The following DNAH8 variants were observed in gnomAD, a reference collection of about 807,000 sequenced individuals.
DNAH8 encodes axonemal beta dynein heavy chain 8.
DNAH8 carries 382 observed loss-of-function variants against 562.1 expected under a neutral mutation model. That is an observed-to-expected ratio of 0.68 (90% CI 0.63 to 0.74). DNAH8 has a LOEUF of 0.74. Ranked by LOEUF, DNAH8 falls within the 30% of genes least tolerant of loss-of-function variation. DNAH8 has a pLI of 0.00. For synonymous variants in DNAH8, 1,881 were observed against 1,919.4 expected (o/e 0.98, Z 0.52); for missense variants, 5,203 against 5,620.4 (o/e 0.93, Z 2.37).
At chr6:38,824,398 T>C (rs889244645) in intron 28 of DNAH8, among the ~76,000 whole-genome samples, 3 of 152,130 alleles carry the variant, frequency 2.0e-5, no homozygotes, top group African/African-American at 7.2e-5. Context: ...TCTTGACTAG[T>C]TGACATTCAG....
At chr6:38,996,097 A>T (rs1225489944) in intron 88 of DNAH8, among the ~76,000 whole-genome samples, 1 of 152,108 alleles carries the variant, frequency 6.6e-6, no homozygotes, top group Admixed American at 6.6e-5. Context: ...TGGCAAAATC[A>T]CACTGTGACA....
intron 76 of DNAH8, among the ~76,000 whole-genome samples, chr6:38,933,627 A>G (rs917299321): frequency 6.6e-6 from 1 of 152,214 alleles, no homozygotes; most frequent in African/African-American, 2.4e-5. Flanking sequence ...ACTGCCACCC[A>G]GGGGTGACCA....
At chr6:38,944,806 T>C (rs1783721641) in intron 79 of DNAH8, among the ~76,000 whole-genome samples, 1 of 152,214 alleles carries the variant, frequency 6.6e-6, no homozygotes, top group Non-Finnish European at 1.5e-5. Flanking sequence ...TAAATATTTG[T>C]TCAATCAATG....
intron 19 of DNAH8, 119 bp downstream of exon 19, chr6:38,790,002 A>G (rs954440874): frequency 8.4e-6 from 6 of 716,664 alleles, no homozygotes; most frequent in Non-Finnish European, 1.3e-5. Context: ...TTCTAGTTCA[A>G]TTTTATAGCT....
chr6:38,726,585 A>G (rs1419928927), intron 3 of DNAH8, among the ~76,000 whole-genome samples: 1 of 152,238 alleles, frequency 6.6e-6, no homozygotes. Context: ...GGAAGAATCA[A>G]GCTGCAAAAG....
At chr6:38,748,404 A>G (rs577003688) in intron 8 of DNAH8, among the ~76,000 whole-genome samples, 4 of 152,326 alleles carry the variant, frequency 2.6e-5, no homozygotes, top group Non-Finnish European at 5.9e-5. Flanking sequence ...TGGGGGTGCC[A>G]TACTGATATC....
intron 12 of DNAH8, among the ~76,000 whole-genome samples, chr6:38,775,145 G>A (rs765744494): frequency 1.3e-4 from 20 of 152,312 alleles, no homozygotes; most frequent in East Asian, 1.9e-4. Context: ...ATGGGGAAGC[G>A]TAAGGAAGGA....
At chr6:38,900,304 A>C (rs1452925784) in intron 62 of DNAH8, among the ~76,000 whole-genome samples, 1 of 152,240 alleles carries the variant, frequency 6.6e-6, no homozygotes, top group African/African-American at 2.4e-5. Flanking sequence ...TGCTACATGT[A>C]GCAAGAATTG....
rs747941640 is a variant in DNAH8, at chr6:38,884,003, G to A, written c.8259+5G>A. 1 of 1,532,164 alleles carries A rather than the reference G, an allele frequency of 6.5e-7. No homozygotes were observed. The highest frequency in any genetic ancestry group is 8.8e-7 in the Non-Finnish European group (1 of 1,135,638). 94.9% of individuals were successfully genotyped at this position (1,532,164 alleles called of 1,614,324 possible). A position where few individuals can be genotyped will look rare whatever the true frequency, so the allele number is the denominator to read the frequency against. ...ATTAATGAGTGGGGAGATCAGGTAT[G>A]GCTGAAATATCTCATATAGATGATC... is the stretch of plus-strand genomic sequence containing the variant. On this transcript the variant is annotated splice_donor_5th_base_variant and intron_variant, in intron 56 of 92. Coordinates refer to ENST00000327475, the MANE Select transcript of DNAH8 (RefSeq NM_001206927.2).
chr6:38,909,718 A>G lies in DNAH8; in HGVS notation c.9714A>G (p.Ser3238=). 6.2e-7 allele frequency: 1 copy of G among 1,614,090 alleles called. No individual in the cohort carries two copies. Among genetic ancestry groups the G allele is most frequent in the Non-Finnish European group, 8.5e-7 (1 of 1,179,938 alleles). ...ETMGLFHDMV[S]ESCESYFQRY... is the part of the protein sequence containing the mutation. ...TGGGCCTGTTTCATGACATGGTTTCAGAGAGCTGTGAAAGTTATTTCCAAA... is the reference window on the plus strand; with the variant it reads ...TGGGCCTGTTTCATGACATGGTTTCGGAGAGCTGTGAAAGTTATTTCCAAA... The change falls in exon 65 of 93, where the codon TCA becomes TCG. Residue 3238 remains serine, a synonymous_variant. Coordinates refer to ENST00000327475, the MANE Select transcript of DNAH8 (RefSeq NM_001206927.2).
intron 5 of DNAH8, 45 bp downstream of exon 5, chr6:38,734,670 T>C (rs1329812615): frequency 6.3e-7 from 1 of 1,592,878 alleles, no homozygotes; most frequent in African/African-American, 1.4e-5. Flanking sequence ...ACATTGAATA[T>C]ATTTTTGTAG....
chr6:39,012,073 T>G, intron 89 of DNAH8, 142 bp from the exon 90 acceptor site: 1 of 537,930 alleles, frequency 1.9e-6, no homozygotes, highest in East Asian at 2.9e-5. Context: ...GCAAGTTTGG[T>G]TCTGCAAGAC....
rs575613410 is a variant in DNAH8 at position 38,909,539 on chromosome 6, C to T, written c.9535C>T (p.Arg3179Cys). ...ATAGGTTGGTGAGAAGTTCCGTGCC[C>T]GTTCTTTGAAATTTCCTGGCTTGAT... ...FSPVGEKFRA[R>C]SLKFPGLISG... The change falls in exon 65 of 93, where the codon CGT becomes TGT. Residue 3179 changes from arginine (R) to cysteine (C), a missense_variant. Transcript: ENST00000327475. 1.8e-5 allele frequency: 29 copies of T among 1,614,040 alleles called. No homozygotes were observed. The highest frequency in any genetic ancestry group is 1.6e-4 in the Middle Eastern group (1 of 6,062).
At chr6:38,793,520 A>C (rs6900520) in intron 21 of DNAH8, among the ~76,000 whole-genome samples, 51,883 of 151,376 alleles carry the variant, frequency 0.34, 9,314 homozygotes, top group East Asian at 0.49. Flanking sequence ...TCCTTTTTGG[A>C]TTCTCCTATT....
intron 88 of DNAH8, among the ~76,000 whole-genome samples, chr6:38,995,561 T>C (rs1765081353): frequency 6.6e-6 from 1 of 152,250 alleles, no homozygotes; most frequent in African/African-American, 2.4e-5. Flanking sequence ...CTGTCACCAC[T>C]GCAGTCAATA....
At chr6:38,823,891 G>T (rs1193503519) in intron 28 of DNAH8, among the ~76,000 whole-genome samples, 1 of 152,042 alleles carries the variant, frequency 6.6e-6, no homozygotes, top group East Asian at 1.9e-4. Flanking sequence ...GGCAAAAACT[G>T]CAATTACTTT....
At position 38,742,081 on chromosome 6, in the gene DNAH8, A is replaced by G. The variant is rs186975187; in HGVS notation, c.1293+194A>G. ...TTTATTTCTCAGGATTTCGCAGACCAATTTTGACCATACTACTATGGGGTG... is the reference window on the plus strand; with the variant it reads ...TTTATTTCTCAGGATTTCGCAGACCGATTTTGACCATACTACTATGGGGTG... On this transcript the variant is annotated intron_variant, in intron 8 of 92. Coordinates refer to ENST00000327475, the MANE Select transcript of DNAH8 (RefSeq NM_001206927.2). Among the ~76,000 whole-genome samples the G allele has an allele frequency of 2.4e-4, 37 of 152,316 alleles. No homozygotes were observed. In the East Asian group the frequency reaches 5.6e-3, roughly 23 times the overall value.
chr6:38,879,044 G>A (rs1054415994), intron 53 of DNAH8, among the ~76,000 whole-genome samples: 104 of 152,072 alleles, frequency 6.8e-4, no homozygotes, highest in Non-Finnish European at 2.2e-4. Context: ...AGAAGAAATA[G>A]ATATCCTAAA....
At chr6:38,997,311 A>G (rs899949409) in intron 88 of DNAH8, among the ~76,000 whole-genome samples, 1 of 152,098 alleles carries the variant, frequency 6.6e-6, no homozygotes. Context: ...CCCACCGGCC[A>G]CCAGGAAGCA....
Sources: allele counts gnomAD v4.1 joint callset (sites outside exome capture counted in the v4.1 genomes callset), GRCh38; gene constraint gnomAD v4.1.1; transcripts MANE v1.5; gene names NCBI Gene and HGNC (gene_info 2026-07-23, HGNC 2026-07-21).